The following C12orf42 variants were observed in gnomAD, a reference collection of about 807,000 sequenced individuals.
The protein encoded by C12orf42 is chromosome 12 open reading frame 42.
Under a neutral mutation model 21.6 loss-of-function variants are expected in C12orf42, and 25 were observed. The observed-to-expected ratio is 1.16, with a 90% CI of 0.84 to 1.62. The LOEUF (loss-of-function observed/expected upper bound fraction) is 1.62, where lower values mean the gene tolerates loss of function less well. C12orf42 is among the 40% of genes most tolerant of loss of function. The probability of loss-of-function intolerance (pLI) is 0.00; values close to 1 mark genes in which losing one functional copy is unlikely to be tolerated. For synonymous variants in C12orf42, 174 were observed against 175.0 expected (o/e 0.99, Z 0.05); for missense variants, 483 against 459.3 (o/e 1.05, Z -0.47).
chr12:103,258,529 T>A (rs902275605), intron 10 of C12orf42, among the ~76,000 whole-genome samples: 1 of 151,796 alleles, frequency 6.6e-6, no homozygotes, highest in African/African-American at 2.4e-5. Context: ...TTTATATATA[T>A]ATGTTTTAAA....
At chr12:103,243,150 A>G (rs1430274289) in intron 10 of C12orf42, among the ~76,000 whole-genome samples, 1 of 152,182 alleles carries the variant, frequency 6.6e-6, no homozygotes, top group African/African-American at 2.4e-5. Flanking sequence ...CAGCCTCCTG[A>G]GTAGCTGGGA....
the C12orf42 span, among the ~76,000 whole-genome samples, chr12:103,112,382 AG>A: frequency 1.1e-4 from 16 of 152,206 alleles, no homozygotes; most frequent in Non-Finnish European, 2.1e-4. Flanking sequence ...CATTGTGGCC[AG>A]GCGTGGTGGC....
At chr12:103,363,801 C>T (rs542045402) in intron 4 of C12orf42, among the ~76,000 whole-genome samples, 28 of 152,084 alleles carry the variant, frequency 1.8e-4, no homozygotes, top group Admixed American at 1.8e-3. Flanking sequence ...TATCACAATC[C>T]TAAATATATA....
chr12:103,414,748 T>C (rs2049155812), intron 2 of C12orf42, among the ~76,000 whole-genome samples: 3 of 152,206 alleles, frequency 2.0e-5, no homozygotes, highest in South Asian at 2.1e-4. Flanking sequence ...TAACTTTGCA[T>C]CCTGAAACTT....
intron 4 of C12orf42, among the ~76,000 whole-genome samples, chr12:103,313,140 T>A (rs2039131185): frequency 6.6e-6 from 1 of 152,174 alleles, no homozygotes; most frequent in Non-Finnish European, 1.5e-5. Context: ...CAGAGACAAT[T>A]AATTCCCCAA....
rs2033914070 is a variant in C12orf42, at chr12:103,244,451, A to G, written c.*1367-6549T>C. Among the ~76,000 whole-genome samples, 9 of 151,960 alleles carry G rather than the reference A, an allele frequency of 5.9e-5. No homozygotes were observed. In the South Asian group the frequency reaches 1.9e-3, roughly 32 times the overall value. On this transcript the variant is annotated intron_variant and NMD_transcript_variant, in intron 10 of 10. Transcript: ENST00000547347. ...TCTAAGTACTCCATGTACTAGAGGA[A>G]TCTTCCCCCATGTTCAGCCTGAGCC...
At chr12:103,081,840 A>G in the C12orf42 span, among the ~76,000 whole-genome samples, 1 of 152,180 alleles carries the variant, frequency 6.6e-6, no homozygotes, top group Non-Finnish European at 1.5e-5. Context: ...TACAGTGAAT[A>G]TTGCTGCATA....
the C12orf42 span, among the ~76,000 whole-genome samples, chr12:103,130,123 T>C: frequency 1.3e-5 from 2 of 152,076 alleles, no homozygotes; most frequent in African/African-American, 4.8e-5. Context: ...ACACTGTAGC[T>C]GCACTGTCTC....
the C12orf42 span, among the ~76,000 whole-genome samples, chr12:103,166,039 C>CAA: frequency 5.6e-3 from 760 of 136,370 alleles, 6 homozygotes; most frequent in East Asian, 0.023. Context: ...GACTCCGTCT[C>CAA]AAAAAAAAAA....
At chr12:103,141,908 G>A in the C12orf42 span, among the ~76,000 whole-genome samples, 12 of 151,898 alleles carry the variant, frequency 7.9e-5, no homozygotes, top group South Asian at 4.2e-4. Flanking sequence ...AAATTATTTC[G>A]TCTTATCTGT....
intron 4 of C12orf42, among the ~76,000 whole-genome samples, chr12:103,290,667 T>C (rs574490768): frequency 6.6e-6 from 1 of 152,312 alleles, no homozygotes; most frequent in African/African-American, 2.4e-5. Context: ...AGTTTGGGGA[T>C]GGTCTTTGCC....
chr12:103,121,502 C>G, the C12orf42 span, among the ~76,000 whole-genome samples: 2 of 152,190 alleles, frequency 1.3e-5, no homozygotes, highest in African/African-American at 4.8e-5. Context: ...TGTCCTTAGT[C>G]TGCATGATTT....
chr12:103,434,365 T>C (rs1441780055), intron 2 of C12orf42, among the ~76,000 whole-genome samples: 1 of 152,124 alleles, frequency 6.6e-6, no homozygotes, highest in Non-Finnish European at 1.5e-5. Flanking sequence ...AACTCACAGA[T>C]TATTTTAAAA....
chr12:103,380,098 T>C (rs2046038651), intron 3 of C12orf42, among the ~76,000 whole-genome samples: 1 of 152,218 alleles, frequency 6.6e-6, no homozygotes, highest in South Asian at 2.1e-4. Context: ...AATTACTGTA[T>C]TTATTATTTC....
the C12orf42 span, among the ~76,000 whole-genome samples, chr12:103,155,562 A>T: frequency 6.6e-6 from 1 of 152,114 alleles, no homozygotes; most frequent in African/African-American, 2.4e-5. Context: ...TCTCCCAGAG[A>T]GCACATTGGG....
At chr12:103,444,788 C>T (rs1951476914) in intron 2 of C12orf42, among the ~76,000 whole-genome samples, 1 of 151,828 alleles carries the variant, frequency 6.6e-6, no homozygotes, top group Non-Finnish European at 1.5e-5. Flanking sequence ...ACTGTCATAC[C>T]TTCTTTAGTA....
intron 4 of C12orf42, among the ~76,000 whole-genome samples, chr12:103,351,435 G>A (rs1044266007): frequency 1.3e-5 from 2 of 152,012 alleles, no homozygotes; most frequent in East Asian, 1.9e-4. Flanking sequence ...TGCCTGATTC[G>A]CAAATTGTTC....
chr12:103,305,023 G>C (rs1181215017), intron 5 of C12orf42, among the ~76,000 whole-genome samples: 1 of 151,882 alleles, frequency 6.6e-6, no homozygotes, highest in Non-Finnish European at 1.5e-5. Context: ...GGCTTCCCTG[G>C]GCCACATAGG....
intron 4 of C12orf42, among the ~76,000 whole-genome samples, chr12:103,342,469 C>T (rs928098913): frequency 1.3e-5 from 2 of 151,840 alleles, no homozygotes; most frequent in African/African-American, 4.8e-5. Context: ...ACTAGGTGTT[C>T]CATGTATAAA....
Sources: gnomAD v4.1 joint callset for allele counts (sites outside exome capture counted in the v4.1 genomes callset) on GRCh38, gnomAD v4.1.1 for gene constraint, MANE v1.5 for transcripts, NCBI Gene and HGNC (gene_info 2026-07-23, HGNC 2026-07-21) for gene names.